Variants in CDKN2AIPNL observed in about 807,000 individuals in gnomAD.
CDKN2AIPNL encodes CDKN2AIP N-terminal-like protein.
In CDKN2AIPNL, 9 loss-of-function variants were observed where a neutral mutation model predicts 12.9. The ratio of observed to expected loss-of-function variants is 0.70; its 90% CI spans 0.42 to 1.22. The LOEUF (loss-of-function observed/expected upper bound fraction) is 1.22, where lower values mean the gene tolerates loss of function less well. Among genes scored for constraint, CDKN2AIPNL ranks in the 50% most tolerant of loss-of-function variants. The probability of loss-of-function intolerance (pLI) is 0.00; values close to 1 mark genes in which losing one functional copy is unlikely to be tolerated. For synonymous variants in CDKN2AIPNL, 53 were observed against 61.7 expected (o/e 0.86, Z 0.66); for missense variants, 143 against 153.6 (o/e 0.93, Z 0.37).
chr5:134,410,963 T>C (rs1436665878), intron 1 of CDKN2AIPNL: 7 of 699,966 alleles, frequency 1.0e-5, no homozygotes, highest in Non-Finnish European at 1.8e-5. Flanking sequence ...CGGGCCTTTG[T>C]CCTTTTGGTG....
intron 2 of CDKN2AIPNL, among the ~76,000 whole-genome samples, chr5:134,407,976 C>A (rs1437350867): frequency 6.6e-6 from 1 of 151,806 alleles, no homozygotes; most frequent in Non-Finnish European, 1.5e-5. Context: ...ACTAAAAATA[C>A]AAAAATTAGC....
At chr5:134,407,256 A>AACACACAC (rs5871539) in intron 2 of CDKN2AIPNL, among the ~76,000 whole-genome samples, 4,108 of 139,634 alleles carry the variant, frequency 0.029, 118 homozygotes, top group Admixed American at 0.062. Context: ...GACCCTTCCT[A>AACACACAC]ACACACACAC....
intron 2 of CDKN2AIPNL, among the ~76,000 whole-genome samples, chr5:134,406,403 A>G (rs763894072): frequency 6.6e-6 from 1 of 152,204 alleles, no homozygotes; most frequent in Non-Finnish European, 1.5e-5. Context: ...TATTTTGTCT[A>G]TGGGCTGGCA....
chr5:134,407,256 AACAC>A (rs5871539), intron 2 of CDKN2AIPNL, among the ~76,000 whole-genome samples: 67,270 of 139,450 alleles, frequency 0.48, 16,359 homozygotes, highest in Non-Finnish European at 0.56. Flanking sequence ...GACCCTTCCT[AACAC>A]ACACACACAC....
At position 134,409,988 on chromosome 5, in the gene CDKN2AIPNL, A is replaced by C. The variant is rs767815642; in HGVS notation, c.254T>G (p.Leu85Arg). The C allele has an allele frequency of 6.2e-7, 1 of 1,611,990 alleles. No individual in the cohort carries two copies. Among genetic ancestry groups the C allele is most frequent in the South Asian group, 1.1e-5 (1 of 90,900 alleles). ...LFLGCSYNKD[L>R]LDKVMEMADG... ...GGCCATTTCCATCACCTTGTCTAAA[A>C]GGTCTTTATTGTAACTGCACAATAA... The change falls in exon 2 of 3, where the codon CTT becomes CGT. Residue 85 changes from leucine (L) to arginine (R), a missense_variant. Coordinates refer to ENST00000458198, the MANE Select transcript of CDKN2AIPNL (RefSeq NM_080656.3).
At chr5:134,404,989 G>T (rs1759081525) in intron 2 of CDKN2AIPNL, among the ~76,000 whole-genome samples, 1 of 151,586 alleles carries the variant, frequency 6.6e-6, no homozygotes. Context: ...TTGCCATGTT[G>T]GCCAGGCTGG....
At chr5:134,407,512 G>C (rs1759123011) in intron 2 of CDKN2AIPNL, among the ~76,000 whole-genome samples, 1 of 152,110 alleles carries the variant, frequency 6.6e-6, no homozygotes. Flanking sequence ...AGTGGCTAAC[G>C]CATGTAATCC....
intron 2 of CDKN2AIPNL, among the ~76,000 whole-genome samples, chr5:134,403,212 G>T (rs1282521441): frequency 1.3e-5 from 2 of 152,168 alleles, no homozygotes; most frequent in African/African-American, 4.8e-5. Flanking sequence ...ACTTTTTCTG[G>T]CATGCTTTGC....
rs1759046691 is a variant in CDKN2AIPNL at position 134,402,757 on chromosome 5, A to C, written c.*158T>G. The C allele has an allele frequency of 1.9e-6, 1 of 534,726 alleles. No individual in the cohort carries two copies. Among genetic ancestry groups the C allele is most frequent in the Admixed American group, 3.7e-5 (1 of 27,182 alleles). The allele number at this position is 534,726 out of a possible 1,614,324, so 33.1% of individuals were successfully genotyped here. A position where few individuals can be genotyped will look rare whatever the true frequency, so the allele number is the denominator to read the frequency against. Reference sequence around the variant, plus strand: ...TAACTCCTGGGAAAATGAGAATGTTAAAAAAGCCAATCTAGACAGAGTCCT... The same window carrying C: ...TAACTCCTGGGAAAATGAGAATGTTCAAAAAGCCAATCTAGACAGAGTCCT... On this transcript the variant is annotated 3_prime_UTR_variant, in exon 3 of 3. Coordinates refer to ENST00000458198, the MANE Select transcript of CDKN2AIPNL (RefSeq NM_080656.3).
chr5:134,404,975 GGTTTT>G (rs1376975641), intron 2 of CDKN2AIPNL, among the ~76,000 whole-genome samples: 1 of 150,718 alleles, frequency 6.6e-6, no homozygotes, highest in Non-Finnish European at 1.5e-5. Flanking sequence ...TAGTTGACGG[GGTTTT>G]GCCATGTTGG....
chr5:134,411,545 G>A, intron 1 of CDKN2AIPNL, 71 bp downstream of exon 1: 2 of 1,356,080 alleles, frequency 1.5e-6, no homozygotes, highest in South Asian at 2.4e-5. Context: ...CGGGTCAGGG[G>A]TGAGCCCTGG....
intron 2 of CDKN2AIPNL, among the ~76,000 whole-genome samples, chr5:134,407,263 A>G (rs1759119600): frequency 7.9e-6 from 1 of 126,330 alleles, no homozygotes; most frequent in Non-Finnish European, 1.8e-5. Context: ...CCTAACACAC[A>G]CACACACACA....
At chr5:134,404,205 A>C (rs1197595553) in intron 2 of CDKN2AIPNL, among the ~76,000 whole-genome samples, 1 of 152,216 alleles carries the variant, frequency 6.6e-6, no homozygotes, top group Non-Finnish European at 1.5e-5. Flanking sequence ...GGTCTGTGGG[A>C]TCAGACACAC....
In CDKN2AIPNL at chr5:134,402,644, GA is replaced by G. The variant is rs996989764; in HGVS notation, c.*270del. On this transcript the variant is annotated 3_prime_UTR_variant, in exon 3 of 3. Transcript: ENST00000458198. ...TAAGAAAAAAAAAAACCTGAAAACAGAAAAGAGGGCTTTTACAATGTTGATG... is the reference window on the plus strand; with the variant it reads ...TAAGAAAAAAAAAAACCTGAAAACAGAAAGAGGGCTTTTACAATGTTGATG... 1 of 320,658 alleles carries G rather than the reference GA, an allele frequency of 3.1e-6. No homozygotes were observed. Among genetic ancestry groups the G allele is most frequent in the African/African-American group, 2.3e-5 (1 of 43,164 alleles). The allele number at this position is 320,658 out of a possible 1,614,324, so 19.9% of individuals were successfully genotyped here. A position where few individuals can be genotyped will look rare whatever the true frequency, so the allele number is the denominator to read the frequency against.
At position 134,411,520 on chromosome 5, in the gene CDKN2AIPNL, T is replaced by G. The variant is rs1581336579; in HGVS notation, c.239+96A>C. The stretch of plus-strand genomic sequence containing the variant: ...GGATGGAGGTTGGGCCCGGGTTCAG[T>G]CTGGGGCAGAGGTTCGGGTCAGGGG... On this transcript the variant is annotated intron_variant, in intron 1 of 2. Coordinates refer to ENST00000458198, the MANE Select transcript of CDKN2AIPNL (RefSeq NM_080656.3). 2.7e-6 allele frequency: 3 copies of G among 1,092,146 alleles called. No homozygotes were observed. The East Asian group carries it at 7.3e-5, about 27-fold the overall frequency. 67.7% of individuals were successfully genotyped at this position (1,092,146 alleles called of 1,614,324 possible).
chr5:134,411,511 C>T, intron 1 of CDKN2AIPNL, 105 bp downstream of exon 1: 1 of 977,512 alleles, frequency 1.0e-6, no homozygotes. Context: ...AGGTTGGGCC[C>T]GGGTTCAGTC....
intron 2 of CDKN2AIPNL, among the ~76,000 whole-genome samples, chr5:134,403,542 G>C (rs1759058652): frequency 6.6e-6 from 1 of 152,188 alleles, no homozygotes; most frequent in Non-Finnish European, 1.5e-5. Context: ...TTAACATTTA[G>C]CAGTGCAAGT....
intron 2 of CDKN2AIPNL, among the ~76,000 whole-genome samples, chr5:134,403,693 T>C (rs1759060836): frequency 6.6e-6 from 1 of 152,210 alleles, no homozygotes; most frequent in Non-Finnish European, 1.5e-5. Flanking sequence ...GGCACGATCT[T>C]GGCTCACTGC....
In CDKN2AIPNL at chr5:134,404,619, G is replaced by A. The variant is rs564381976; in HGVS notation, c.340-1693C>T. On this transcript the variant is annotated intron_variant, in intron 2 of 2. Transcript: ENST00000458198. Reference sequence around the variant, plus strand: ...CTGGGATTACAGGCAGAGCCACTGGGCTAGGCTGATTTTTTTTTTTTTTTT... The same window carrying A: ...CTGGGATTACAGGCAGAGCCACTGGACTAGGCTGATTTTTTTTTTTTTTTT... Among the ~76,000 whole-genome samples, 3 of 151,490 alleles carry A rather than the reference G, an allele frequency of 2.0e-5. No individual in the cohort carries two copies. In the South Asian group the frequency reaches 6.3e-4, roughly 32 times the overall value.
Sources: gnomAD v4.1 joint callset for allele counts (sites outside exome capture counted in the v4.1 genomes callset) on GRCh38, gnomAD v4.1.1 for gene constraint, MANE v1.5 for transcripts, NCBI Gene and HGNC (gene_info 2026-07-23, HGNC 2026-07-21) for gene names.